MACROD2: variants seen among roughly 807,000 people sequenced by gnomAD.
The protein encoded by MACROD2 is mono-ADP ribosylhydrolase 2.
A neutral mutation model predicts 70.4 loss-of-function variants in MACROD2; 36 were observed. The observed-to-expected ratio is 0.51, with a 90% confidence interval of 0.39 to 0.68. The LOEUF (loss-of-function observed/expected upper bound fraction) is 0.68. MACROD2 is among the 30% of genes least tolerant of loss of function. MACROD2 has a pLI of 0.00. For missense variants in MACROD2, 496 were observed against 538.4 expected (o/e 0.92, Z 0.78); for synonymous variants, 172 against 178.8 (o/e 0.96, Z 0.30).
chr20:14,442,674 G>A (rs2084137357), intron 3 of MACROD2, among the ~76,000 whole-genome samples: 1 of 152,000 alleles, frequency 6.6e-6, no homozygotes, highest in East Asian at 1.9e-4. Context: ...TCTTCTTCTG[G>A]TAGAGCAGAG....
At chr20:15,855,279 C>T (rs2064344159) in intron 8 of MACROD2, among the ~76,000 whole-genome samples, 1 of 152,186 alleles carries the variant, frequency 6.6e-6, no homozygotes, top group South Asian at 2.1e-4. Flanking sequence ...ATTAATGGAA[C>T]ATATGTCATC....
intron 6 of MACROD2, among the ~76,000 whole-genome samples, chr20:15,286,880 T>A (rs1878115903): frequency 6.6e-6 from 1 of 152,118 alleles, no homozygotes; most frequent in African/African-American, 2.4e-5. Context: ...CAGAATTATT[T>A]TGAGGGGTAG....
At chr20:14,301,364 A>G (rs1327577754) in intron 3 of MACROD2, among the ~76,000 whole-genome samples, 1 of 152,222 alleles carries the variant, frequency 6.6e-6, no homozygotes, top group Non-Finnish European at 1.5e-5. Flanking sequence ...GGCATATTGA[A>G]TCCTTTGATT....
At chr20:14,183,826 A>G (rs1176682660) in intron 3 of MACROD2, among the ~76,000 whole-genome samples, 1 of 152,122 alleles carries the variant, frequency 6.6e-6, no homozygotes, top group Non-Finnish European at 1.5e-5. Context: ...TTGGCTGCAT[A>G]TATGTCTTCT....
intron 7 of MACROD2, among the ~76,000 whole-genome samples, chr20:15,450,680 T>C (rs1321010251): frequency 1.3e-5 from 2 of 152,188 alleles, no homozygotes; most frequent in Non-Finnish European, 2.9e-5. Context: ...TGTTCATTGC[T>C]TCATCTATTT....
intron 5 of MACROD2, among the ~76,000 whole-genome samples, chr20:14,866,457 A>G (rs781687027): frequency 4.6e-5 from 7 of 152,112 alleles, no homozygotes; most frequent in East Asian, 1.9e-4. Flanking sequence ...AACCTTCTCA[A>G]TGCTATAGAT....
At chr20:14,398,681 T>G (rs928220777) in intron 3 of MACROD2, among the ~76,000 whole-genome samples, 8 of 152,186 alleles carry the variant, frequency 5.3e-5, no homozygotes, top group African/African-American at 1.9e-4. Flanking sequence ...CTTGGATGAA[T>G]AGCTTGCAAA....
intron 8 of MACROD2, among the ~76,000 whole-genome samples, chr20:15,846,911 T>TATATATATA (rs1491315029): frequency 7.2e-6 from 1 of 138,170 alleles, no homozygotes; most frequent in African/African-American, 2.7e-5. Context: ...AAAAAAAAAA[T>TATATATATA]TATATATATA....
chr20:15,049,740 G>T (rs994091433), intron 5 of MACROD2, among the ~76,000 whole-genome samples: 1 of 152,054 alleles, frequency 6.6e-6, no homozygotes, highest in Non-Finnish European at 1.5e-5. Flanking sequence ...CTGAGGTTAG[G>T]AGTTCAAGAC....
chr20:14,325,552 C>T (rs372670544), intron 3 of MACROD2: 101 of 1,602,612 alleles, frequency 6.3e-5, no homozygotes, highest in Non-Finnish European at 8.3e-5. Context: ...GTGAGTCCTT[C>T]AGCATCATGA....
intron 8 of MACROD2, among the ~76,000 whole-genome samples, chr20:15,544,283 A>G (rs1418927932): frequency 2.0e-5 from 3 of 152,220 alleles, no homozygotes; most frequent in Non-Finnish European, 2.9e-5. Flanking sequence ...AGGTTCAGTG[A>G]TTCTTGTATA....
chr20:14,964,324 G>A (rs1016215134), intron 5 of MACROD2, among the ~76,000 whole-genome samples: 4 of 152,110 alleles, frequency 2.6e-5, no homozygotes, highest in Non-Finnish European at 5.9e-5. Context: ...TGTAATCCCA[G>A]CACTTTGGGA....
intron 2 of MACROD2, among the ~76,000 whole-genome samples, chr20:14,071,995 A>T (rs533737323): frequency 3.2e-4 from 48 of 152,264 alleles, no homozygotes; most frequent in Admixed American, 2.0e-3. Context: ...GTATTGGGAT[A>T]TGAATCTCTG....
At chr20:14,921,538 T>C (rs542017995) in intron 5 of MACROD2, among the ~76,000 whole-genome samples, 112 of 152,340 alleles carry the variant, frequency 7.4e-4, no homozygotes, top group Non-Finnish European at 8.8e-4. Flanking sequence ...TTCTTTGCCT[T>C]GGCGTCTTTG....
chr20:15,965,605 TAATA>T (rs2066129126), intron 12 of MACROD2, among the ~76,000 whole-genome samples: 1 of 152,170 alleles, frequency 6.6e-6, no homozygotes. Context: ...ATATAATTTT[TAATA>T]AATAACTAAA....
chr20:15,064,421 A>G (rs949849346), intron 5 of MACROD2, among the ~76,000 whole-genome samples: 2 of 152,310 alleles, frequency 1.3e-5, no homozygotes, highest in South Asian at 2.1e-4. Flanking sequence ...CTGATGGGCT[A>G]CATAAGCCCA....
intron 3 of MACROD2, among the ~76,000 whole-genome samples, chr20:14,417,066 CATCTATCTATCT>C (rs11405633): frequency 0.18 from 23,254 of 132,486 alleles, 2,143 homozygotes; most frequent in Non-Finnish European, 0.23. Flanking sequence ...ATCTATCTAT[CATCTATCTATCT>C]ATCTATCTAT....
At chr20:15,954,750 T>C (rs1001241629) in intron 12 of MACROD2, among the ~76,000 whole-genome samples, 2 of 152,230 alleles carry the variant, frequency 1.3e-5, no homozygotes, top group East Asian at 3.8e-4. Flanking sequence ...ATATGAGATA[T>C]ACAAGCATGT....
chr20:14,197,367 G>A (rs769767297), intron 3 of MACROD2, among the ~76,000 whole-genome samples: 19 of 152,312 alleles, frequency 1.2e-4, no homozygotes, highest in Middle Eastern at 3.4e-3. Context: ...AATATTTTTA[G>A]TCTTCCAAAA....
Sources: gnomAD v4.1 joint callset for allele counts (sites outside exome capture counted in the v4.1 genomes callset) on GRCh38, gnomAD v4.1.1 for gene constraint, MANE v1.5 for transcripts, NCBI Gene and HGNC (gene_info 2026-07-23, HGNC 2026-07-21) for gene names.